SYT16: variants seen among roughly 807,000 people sequenced by gnomAD.
SYT16 encodes synaptotagmin 16.
Under a neutral mutation model 61.4 loss-of-function variants are expected in SYT16, and 42 were observed. That is an observed-to-expected ratio of 0.68 (90% confidence interval 0.53 to 0.89). The LOEUF is 0.89. SYT16 is among the 40% of genes least tolerant of loss of function. SYT16 has a pLI of 0.00. For synonymous variants in SYT16, 314 were observed against 302.3 expected (o/e 1.04, Z -0.40); for missense variants, 804 against 807.3 (o/e 1.00, Z 0.05).
At position 62,095,437 on chromosome 14, in the gene SYT16, G is replaced by A. The variant is rs181148312; in HGVS notation, c.1625-4957G>A. ...TAATATTTCTTATATAAAATCAGTT[G>A]TGTTATAATACATCAGCAACAATCA... is the stretch of plus-strand genomic sequence containing the variant. On this transcript the variant is annotated intron_variant, in intron 7 of 7. Coordinates refer to ENST00000683842, the MANE Select transcript of SYT16 (RefSeq NM_001367656.1). Among the ~76,000 whole-genome samples, 6 of 152,008 alleles carry A rather than the reference G, an allele frequency of 3.9e-5. No individual in the cohort carries two copies. In the East Asian group the frequency reaches 1.2e-3, roughly 29 times the overall value.
At chr14:62,019,758 A>G (rs968771640) in intron 3 of SYT16, among the ~76,000 whole-genome samples, 6 of 152,182 alleles carry the variant, frequency 3.9e-5, no homozygotes, top group Non-Finnish European at 7.3e-5. Flanking sequence ...AGTCATGGGA[A>G]GTCCCTGTTC....
rs929770497 is a variant in SYT16 at position 62,093,145 on chromosome 14, A to C, written c.1625-7249A>C. ...AAAACAGTTCTAAAAAATTAAGTCT[A>C]TTTAAAAAATTAAGAGATTTAAAAA... On this transcript the variant is annotated intron_variant, in intron 7 of 7. Coordinates refer to ENST00000683842, the MANE Select transcript of SYT16 (RefSeq NM_001367656.1). Among the ~76,000 whole-genome samples the C allele has an allele frequency of 3.6e-4, 54 of 152,108 alleles. 2 individuals carry two copies. The highest frequency in any genetic ancestry group is 1.3e-4 in the Non-Finnish European group (9 of 67,974).
intron 1 of SYT16, among the ~76,000 whole-genome samples, chr14:61,896,723 T>C (rs1244132665): frequency 6.6e-6 from 1 of 152,236 alleles, no homozygotes; most frequent in Non-Finnish European, 1.5e-5. Flanking sequence ...AAAATGAATA[T>C]ATAATAGTGT....
At chr14:61,907,817 C>T (rs955184713) in intron 1 of SYT16, among the ~76,000 whole-genome samples, 1 of 152,220 alleles carries the variant, frequency 6.6e-6, no homozygotes. Context: ...ATCCTAAAGG[C>T]TGACTGGCTA....
intron 3 of SYT16, among the ~76,000 whole-genome samples, chr14:62,060,327 A>G (rs905948690): frequency 6.6e-6 from 1 of 152,058 alleles, no homozygotes; most frequent in African/African-American, 2.4e-5. Flanking sequence ...CTCTTTCTAA[A>G]TGGAATTTTT....
intron 1 of SYT16, among the ~76,000 whole-genome samples, chr14:61,910,188 C>T (rs891766335): frequency 3.3e-5 from 5 of 151,886 alleles, no homozygotes; most frequent in African/African-American, 4.8e-5. Context: ...TCAAATATGA[C>T]ATCATATTAA....
chr14:61,907,630 T>A lies in SYT16; in HGVS notation c.-324-62502T>A, dbSNP rs1435980252. On this transcript the variant is annotated intron_variant, in intron 1 of 7. Transcript: ENST00000683842. Reference sequence around the variant, plus strand: ...ACAGGGCTGCTCATGATATGGCTGCTACATCTCCCCAGAGTGTGGGATCCA... The same window carrying A: ...ACAGGGCTGCTCATGATATGGCTGCAACATCTCCCCAGAGTGTGGGATCCA... Among the ~76,000 whole-genome samples, 3 of 152,192 alleles carry A rather than the reference T, an allele frequency of 2.0e-5. No individual in the cohort carries two copies. The East Asian group carries it at 5.8e-4, about 29-fold the overall frequency.
intron 1 of SYT16, among the ~76,000 whole-genome samples, chr14:61,936,289 G>A (rs1238781973): frequency 2.6e-5 from 4 of 152,064 alleles, no homozygotes; most frequent in African/African-American, 9.7e-5. Context: ...AATGCATGAG[G>A]AGTCATCATT....
rs1245520584 is a variant in SYT16, at chr14:62,106,621, T to TCCAC, written c.*5915_*5918dup. 1.3e-5 allele frequency: 2 copies of TCCAC among 152,194 alleles called. No homozygotes were observed. The highest frequency in any genetic ancestry group is 4.8e-5 in the African/African-American group (2 of 41,458). The allele number at this position is 152,194 out of a possible 1,614,324, so 9.4% of individuals were successfully genotyped here. A position where few individuals can be genotyped will look rare whatever the true frequency, so the allele number is the denominator to read the frequency against. The stretch of plus-strand genomic sequence containing the variant: ...GTCTTCTTCCACTTTGGACATTTTT[T>TCCAC]CCACATTGATTTTTCTCTGCATCAT... On this transcript the variant is annotated 3_prime_UTR_variant, in exon 8 of 8. Transcript: ENST00000683842.
intron 3 of SYT16, among the ~76,000 whole-genome samples, chr14:62,055,327 A>G (rs1373842062): frequency 6.6e-6 from 1 of 152,240 alleles, no homozygotes; most frequent in Non-Finnish European, 1.5e-5. Context: ...AGAGGCTGAC[A>G]GTTTCACACT....
intron 1 of SYT16, among the ~76,000 whole-genome samples, chr14:61,946,720 C>T (rs1192620664): frequency 4.6e-5 from 7 of 152,118 alleles, no homozygotes; most frequent in South Asian, 2.1e-4. Context: ...TTTTTCAAAG[C>T]CCAAAACTGT....
chr14:62,087,335 C>T (rs532424997), intron 7 of SYT16, among the ~76,000 whole-genome samples: 4 of 139,736 alleles, frequency 2.9e-5, no homozygotes, highest in East Asian at 1.9e-4. Flanking sequence ...GAGGGAGAGC[C>T]GGCGGCAGCC....
intron 1 of SYT16, among the ~76,000 whole-genome samples, chr14:61,908,526 AT>A (rs1380964559): frequency 2.0e-5 from 3 of 152,192 alleles, no homozygotes; most frequent in African/African-American, 4.8e-5. Context: ...GATTCATTTA[AT>A]TTGAAATAAA....
chr14:61,968,288 A>C (rs1420232847), intron 1 of SYT16, among the ~76,000 whole-genome samples: 2 of 152,254 alleles, frequency 1.3e-5, no homozygotes, highest in South Asian at 4.1e-4. Context: ...TGAGTGCAGA[A>C]AATACTTTGA....
chr14:62,022,133 A>G (rs1299915919), intron 3 of SYT16, among the ~76,000 whole-genome samples: 1 of 151,952 alleles, frequency 6.6e-6, no homozygotes, highest in Non-Finnish European at 1.5e-5. Context: ...CTACCTACAC[A>G]TGTACTCAAT....
At chr14:61,822,232 G>C (rs1173290838) in intron 1 of SYT16, among the ~76,000 whole-genome samples, 2 of 152,200 alleles carry the variant, frequency 1.3e-5, no homozygotes, top group Non-Finnish European at 2.9e-5. Flanking sequence ...GAAGAACCTG[G>C]AGTCTCACGT....
At chr14:61,815,672 C>T (rs1006264407) in intron 1 of SYT16, among the ~76,000 whole-genome samples, 3 of 152,094 alleles carry the variant, frequency 2.0e-5, no homozygotes, top group Non-Finnish European at 2.9e-5. Context: ...AAGGGGAACT[C>T]GAGAGCTTCA....
At chr14:62,008,709 T>C (rs562024527) in intron 3 of SYT16, among the ~76,000 whole-genome samples, 1 of 151,966 alleles carries the variant, frequency 6.6e-6, no homozygotes, top group Admixed American at 6.6e-5. Context: ...TAAAACTTTA[T>C]ACAAGTGATA....
chr14:61,926,380 T>A (rs2049538785), intron 1 of SYT16, among the ~76,000 whole-genome samples: 1 of 152,322 alleles, frequency 6.6e-6, no homozygotes. Flanking sequence ...GCATCTTCTC[T>A]GCAACACCCT....
Sources: allele counts gnomAD v4.1 joint callset (sites outside exome capture counted in the v4.1 genomes callset), GRCh38; gene constraint gnomAD v4.1.1; transcripts MANE v1.5; gene names NCBI Gene and HGNC (gene_info 2026-07-23, HGNC 2026-07-21).